The following KHDRBS2 variants were observed in gnomAD, a reference collection of about 807,000 sequenced individuals.
KHDRBS2 encodes KH RNA binding domain containing, signal transduction associated 2.
KHDRBS2 carries 26 observed loss-of-function variants against 44.3 expected under a neutral mutation model. The observed-to-expected ratio is 0.59, with a 90% confidence interval of 0.43 to 0.81. The LOEUF (loss-of-function observed/expected upper bound fraction) is 0.81. Ranked by LOEUF, KHDRBS2 falls within the 40% of genes least tolerant of loss-of-function variation. The pLI is 0.00. For missense variants in KHDRBS2, 476 were observed against 433.1 expected, an observed-to-expected ratio of 1.10 and a Z score of -0.88; for synonymous variants, 194 against 151.1, an observed-to-expected ratio of 1.28 and a Z score of -2.08.
chr6:62,047,181 C>T (rs141984022), intron 3 of KHDRBS2, among the ~76,000 whole-genome samples: 97 of 152,022 alleles, frequency 6.4e-4, no homozygotes, highest in African/African-American at 2.2e-3. Context: ...TCCCGCCTTT[C>T]GCAGTGAATC....
chr6:62,027,145 C>T (rs911997435), intron 3 of KHDRBS2, among the ~76,000 whole-genome samples: 6 of 151,810 alleles, frequency 4.0e-5, no homozygotes, highest in South Asian at 2.1e-4. Flanking sequence ...ACCTTTGTTT[C>T]GACTGTAGTT....
chr6:61,800,639 T>C (rs1282013461), intron 6 of KHDRBS2, among the ~76,000 whole-genome samples: 1 of 152,162 alleles, frequency 6.6e-6, no homozygotes, highest in African/African-American at 2.4e-5. Context: ...TGAATCTATG[T>C]CCTTCTCCAG....
At chr6:61,882,027 A>G (rs1800277343) in intron 6 of KHDRBS2, among the ~76,000 whole-genome samples, 1 of 152,112 alleles carries the variant, frequency 6.6e-6, no homozygotes, top group Admixed American at 6.6e-5. Context: ...AGTTTACAAC[A>G]TCCAGTACTA....
chr6:61,633,104 A>AT, the KHDRBS2 span, among the ~76,000 whole-genome samples: 26 of 152,066 alleles, frequency 1.7e-4, no homozygotes, highest in African/African-American at 6.0e-4. Flanking sequence ...GAAGCAGAAA[A>AT]TGCACCACAG....
At chr6:62,209,620 G>T (rs1828671972) in intron 1 of KHDRBS2, among the ~76,000 whole-genome samples, 1 of 152,164 alleles carries the variant, frequency 6.6e-6, no homozygotes, top group Non-Finnish European at 1.5e-5. Flanking sequence ...GTTCCTGGGT[G>T]TGTTTATGAA....
chr6:61,973,563 A>C (rs1393207450), intron 4 of KHDRBS2, among the ~76,000 whole-genome samples: 1 of 152,206 alleles, frequency 6.6e-6, no homozygotes, highest in Non-Finnish European at 1.5e-5. Context: ...AATCACAGCT[A>C]TCACTAAGAC....
intron 1 of KHDRBS2, among the ~76,000 whole-genome samples, chr6:62,239,929 C>G (rs1422093052): frequency 6.6e-6 from 1 of 152,100 alleles, no homozygotes; most frequent in Non-Finnish European, 1.5e-5. Context: ...AGGTGGTCCA[C>G]CTACCTTGGC....
chr6:62,074,668 C>A (rs1232824407), intron 2 of KHDRBS2, among the ~76,000 whole-genome samples: 2 of 151,856 alleles, frequency 1.3e-5, no homozygotes, highest in Non-Finnish European at 2.9e-5. Flanking sequence ...TATATGTTAT[C>A]ATGGCTAAAC....
At chr6:62,078,345 C>T (rs754748319) in intron 2 of KHDRBS2, among the ~76,000 whole-genome samples, 1 of 151,784 alleles carries the variant, frequency 6.6e-6, no homozygotes, top group Non-Finnish European at 1.5e-5. Context: ...CTTATTTTAT[C>T]AAAGTTTTCA....
chr6:61,775,936 A>T (rs1297010837), intron 6 of KHDRBS2, among the ~76,000 whole-genome samples: 2 of 152,362 alleles, frequency 1.3e-5, no homozygotes, highest in East Asian at 3.9e-4. Flanking sequence ...CTGGTACCAA[A>T]ACAGAGATAT....
chr6:61,960,837 G>A (rs6915333), intron 4 of KHDRBS2, among the ~76,000 whole-genome samples: 43,490 of 151,976 alleles, frequency 0.29, 6,280 homozygotes, highest in East Asian at 0.4. Context: ...GAATTCCAAT[G>A]AGGTATCTCG....
chr6:61,824,690 A>G (rs1053142660), intron 6 of KHDRBS2, among the ~76,000 whole-genome samples: 1 of 152,188 alleles, frequency 6.6e-6, no homozygotes, highest in Admixed American at 6.6e-5. Flanking sequence ...AAAATTTCAT[A>G]TAACATACAT....
At chr6:62,033,069 G>A (rs551209982) in intron 3 of KHDRBS2, among the ~76,000 whole-genome samples, 73 of 151,794 alleles carry the variant, frequency 4.8e-4, no homozygotes, top group African/African-American at 1.7e-3. Context: ...AATGTAACTG[G>A]CATACTAAAG....
chr6:62,148,562 C>T (rs1292427191), intron 2 of KHDRBS2, among the ~76,000 whole-genome samples: 1 of 151,996 alleles, frequency 6.6e-6, no homozygotes, highest in Non-Finnish European at 1.5e-5. Context: ...CTGGGTCACA[C>T]AAACCTGCCT....
intron 3 of KHDRBS2, among the ~76,000 whole-genome samples, chr6:62,020,553 A>G (rs1250863639): frequency 6.7e-6 from 1 of 148,420 alleles, no homozygotes; most frequent in African/African-American, 2.5e-5. Flanking sequence ...TTTCTCAGCT[A>G]TAACTGTGGA....
chr6:62,021,452 A>G (rs1309121694), intron 3 of KHDRBS2, among the ~76,000 whole-genome samples: 2 of 151,940 alleles, frequency 1.3e-5, no homozygotes, highest in Non-Finnish European at 2.9e-5. Flanking sequence ...TTGCAGTATC[A>G]TACAGTTGGG....
chr6:62,181,704 A>G (rs1563016120), intron 1 of KHDRBS2, among the ~76,000 whole-genome samples: 1 of 151,940 alleles, frequency 6.6e-6, no homozygotes, highest in African/African-American at 2.4e-5. Context: ...CACCAAATTC[A>G]TATGTTCAAA....
chr6:61,984,460 A>G (rs1245498329), intron 3 of KHDRBS2, among the ~76,000 whole-genome samples: 1 of 152,036 alleles, frequency 6.6e-6, no homozygotes, highest in Non-Finnish European at 1.5e-5. Flanking sequence ...GAGCTAAAGA[A>G]GCAGAAAAAA....
At chr6:61,563,466 A>C in the KHDRBS2 span, among the ~76,000 whole-genome samples, 1 of 152,110 alleles carries the variant, frequency 6.6e-6, no homozygotes, top group Non-Finnish European at 1.5e-5. Flanking sequence ...TTTCTGTTTT[A>C]AGAGGTAAAC....
Sources: gnomAD v4.1 joint callset for allele counts (sites outside exome capture counted in the v4.1 genomes callset) on GRCh38, gnomAD v4.1.1 for gene constraint, MANE v1.5 for transcripts, NCBI Gene and HGNC (gene_info 2026-07-23, HGNC 2026-07-21) for gene names.